The following ANO1 variants were observed in gnomAD, a reference collection of about 807,000 sequenced individuals.
The protein encoded by ANO1 is anoctamin-1.
A neutral mutation model predicts 124.0 loss-of-function variants in ANO1; 59 were observed. The observed-to-expected ratio is 0.48, with a 90% CI of 0.39 to 0.59. The LOEUF (loss-of-function observed/expected upper bound fraction) is 0.59. Among genes scored for constraint, ANO1 ranks in the 20% least tolerant of loss-of-function variants. The pLI is 0.00. For missense variants in ANO1, 1,059 were observed against 1,328.0 expected (o/e 0.80, Z 3.15); for synonymous variants, 529 against 532.0 (o/e 0.99, Z 0.08).
At chr11:69,973,500 G>A in the ANO1 span, among the ~76,000 whole-genome samples, 4 of 152,036 alleles carry the variant, frequency 2.6e-5, no homozygotes, top group African/African-American at 4.8e-5. Context: ...CTCCTGTCTC[G>A]GGCTCTAGGG....
intron 1 of ANO1, among the ~76,000 whole-genome samples, chr11:70,005,092 G>C (rs1012657083): frequency 7.2e-6 from 1 of 138,236 alleles, no homozygotes; most frequent in Non-Finnish European, 1.5e-5. Flanking sequence ...CAGCCTGGGT[G>C]ACAGAGCGAG....
intron 8 of ANO1, among the ~76,000 whole-genome samples, chr11:70,120,302 C>T (rs2046207986): frequency 6.6e-6 from 1 of 152,096 alleles, no homozygotes; most frequent in African/African-American, 2.4e-5. Flanking sequence ...GCCCCTTCCT[C>T]CAGGACCGTG....
At chr11:70,052,936 GTCTC>G (rs1857376637) in intron 1 of ANO1, among the ~76,000 whole-genome samples, 1 of 152,016 alleles carries the variant, frequency 6.6e-6, no homozygotes, top group Non-Finnish European at 1.5e-5. Flanking sequence ...GTTTTCTTTT[GTCTC>G]TCTTAGTAAT....
intron 2 of ANO1, among the ~76,000 whole-genome samples, chr11:70,096,648 G>A (rs1221321337): frequency 6.6e-6 from 1 of 152,114 alleles, no homozygotes; most frequent in Non-Finnish European, 1.5e-5. Flanking sequence ...ATCACCTGAG[G>A]TCAGGACTTC....
chr11:70,031,763 A>T (rs182875725), intron 1 of ANO1, among the ~76,000 whole-genome samples: 1 of 152,296 alleles, frequency 6.6e-6, no homozygotes, highest in Admixed American at 6.5e-5. Flanking sequence ...ACCAGGGCAC[A>T]CCTGAGCACT....
intron 11 of ANO1, among the ~76,000 whole-genome samples, chr11:70,138,338 T>C (rs1275343421): frequency 9.6e-6 from 1 of 103,736 alleles, no homozygotes; most frequent in African/African-American, 3.0e-5. Context: ...AGAGTGAAAT[T>C]CCATCTCAGA....
At chr11:70,036,854 G>A (rs374731468) in intron 1 of ANO1, among the ~76,000 whole-genome samples, 66 of 152,226 alleles carry the variant, frequency 4.3e-4, no homozygotes, top group Non-Finnish European at 8.8e-5. Context: ...TGATCTGCCC[G>A]CCTCAGCCTC....
chr11:70,046,972 C>T (rs1422060537), intron 1 of ANO1, among the ~76,000 whole-genome samples: 11 of 150,466 alleles, frequency 7.3e-5, no homozygotes, highest in Admixed American at 4.0e-4. Flanking sequence ...TCCAGCTACT[C>T]GGGAGGCTGA....
rs34598701 is a variant in ANO1 at position 70,010,134 on chromosome 11, GGTGTGT to G, written c.58+23994_58+23999del. Among the ~76,000 whole-genome samples, 23 of 81,850 alleles carry G rather than the reference GGTGTGT, an allele frequency of 2.8e-4. 1 individual carries two copies. The highest frequency in any genetic ancestry group is 6.7e-4 in the Admixed American group (5 of 7,502). The allele number at this position is 81,850 out of a possible 152,430, so 53.7% of individuals were successfully genotyped here. On this transcript the variant is annotated intron_variant, in intron 1 of 27. Transcript: ENST00000531349. ...TTTTTATGGCGGAGTAGTATTCCAT[GGTGTGT>G]GTGTGTGTGTGTGTGTGTGTGTGTG... is the stretch of plus-strand genomic sequence containing the variant.
chr11:69,985,533 A>C (rs1473328054), upstream of ANO1, among the ~76,000 whole-genome samples: 3 of 152,026 alleles, frequency 2.0e-5, no homozygotes, highest in Non-Finnish European at 4.4e-5. Flanking sequence ...AGGGCCACTC[A>C]CGGAACCGCC....
the ANO1 span, among the ~76,000 whole-genome samples, chr11:69,978,929 G>A: frequency 8.8e-4 from 134 of 152,294 alleles, no homozygotes; most frequent in African/African-American, 3.0e-3. Flanking sequence ...CTTGGCATTG[G>A]TGCTATTTAT....
chr11:70,013,910 C>T (rs1555001491), intron 1 of ANO1, among the ~76,000 whole-genome samples: 3 of 151,954 alleles, frequency 2.0e-5, no homozygotes, highest in African/African-American at 7.2e-5. Context: ...AGGGCGCTGC[C>T]AAGCCTGGTT....
intron 5 of ANO1, 170 bp from the exon 6 acceptor site, chr11:70,108,183 G>T (rs922370141): frequency 1.8e-6 from 1 of 564,922 alleles, no homozygotes; most frequent in Admixed American, 2.9e-5. Context: ...AGAATCCGGA[G>T]CTGGGTCAAC....
intron 20 of ANO1, 53 bp from the exon 21 acceptor site, chr11:70,167,189 G>T (rs2048287550): frequency 1.3e-6 from 2 of 1,596,740 alleles, no homozygotes; most frequent in Admixed American, 1.8e-5. Context: ...CCAGACCCAA[G>T]CCCCCAAATT....
chr11:70,030,838 C>A (rs1856987546), intron 1 of ANO1, among the ~76,000 whole-genome samples: 1 of 152,216 alleles, frequency 6.6e-6, no homozygotes, highest in Non-Finnish European at 1.5e-5. Flanking sequence ...CCTCCACCAG[C>A]TGGAAGGATC....
chr11:70,028,725 G>A (rs1041879317), intron 1 of ANO1, among the ~76,000 whole-genome samples: 34 of 152,124 alleles, frequency 2.2e-4, no homozygotes, highest in East Asian at 7.7e-4. Context: ...CCTCTGCTCC[G>A]TGCTCTGACA....
intron 21 of ANO1, among the ~76,000 whole-genome samples, chr11:70,167,922 C>T (rs1025615340): frequency 1.3e-5 from 2 of 152,234 alleles, no homozygotes; most frequent in Admixed American, 1.3e-4. Flanking sequence ...CTCATCTCCC[C>T]TTCCTGGTGG....
intron 1 of ANO1, among the ~76,000 whole-genome samples, chr11:70,032,549 T>C (rs990835329): frequency 6.7e-6 from 1 of 149,576 alleles, no homozygotes; most frequent in East Asian, 2.0e-4. Flanking sequence ...GGGGGGTCTC[T>C]GAAGGGTAGA....
At chr11:70,121,477 T>C (rs1339775889) in intron 8 of ANO1, among the ~76,000 whole-genome samples, 1 of 146,670 alleles carries the variant, frequency 6.8e-6, no homozygotes, top group African/African-American at 2.6e-5. Flanking sequence ...TCTGTCTCTC[T>C]CCATCTCCCC....
Sources: gnomAD v4.1 joint callset for allele counts (sites outside exome capture counted in the v4.1 genomes callset) on GRCh38, gnomAD v4.1.1 for gene constraint, MANE v1.5 for transcripts, NCBI Gene and HGNC (gene_info 2026-07-23, HGNC 2026-07-21) for gene names.